The following UPF2 variants were observed in gnomAD, a reference collection of about 807,000 sequenced individuals.
The protein encoded by UPF2 is regulator of nonsense transcripts 2.
A neutral mutation model predicts 141.4 loss-of-function variants in UPF2; 17 were observed. The ratio of observed to expected loss-of-function variants is 0.12; its 90% CI spans 0.08 to 0.18. UPF2 has a LOEUF of 0.18. Ranked by LOEUF, UPF2 falls within the 10% of genes least tolerant of loss-of-function variation. The pLI is 1.00. For synonymous variants in UPF2, 540 were observed against 498.0 expected (o/e 1.08, Z -1.12); for missense variants, 1,152 against 1,515.9 (o/e 0.76, Z 3.99).
intron 3 of UPF2, among the ~76,000 whole-genome samples, chr10:12,025,833 C>T (rs1457704267): frequency 2.6e-5 from 4 of 152,160 alleles, no homozygotes; most frequent in African/African-American, 4.8e-5. Context: ...CTCTCTCTGT[C>T]GCCCAGGCTA....
At chr10:12,001,020 A>C (rs1483634342) in intron 6 of UPF2, among the ~76,000 whole-genome samples, 1 of 152,246 alleles carries the variant, frequency 6.6e-6, no homozygotes, top group Non-Finnish European at 1.5e-5. Context: ...TGTAAAGATT[A>C]TGTCATAGAA....
intron 18 of UPF2, among the ~76,000 whole-genome samples, chr10:11,937,362 G>C (rs982896142): frequency 1.3e-5 from 2 of 152,214 alleles, no homozygotes; most frequent in Admixed American, 6.5e-5. Flanking sequence ...TGTTAAGACA[G>C]ATACAGAAAC....
chr10:11,992,600 A>G lies in UPF2; in HGVS notation c.1844+5072T>C, dbSNP rs1446674546. On this transcript the variant is annotated intron_variant, in intron 8 of 21. Coordinates refer to ENST00000357604, the MANE Select transcript of UPF2 (RefSeq NM_015542.4). This position sits in a 1 kb window ranked among gnomAD's most constrained non-coding sequence, Gnocchi z 4.1. ...GCGTGCACACTAAATTAAAAAATAT[A>G]AAAGACCACATAATGAAAGACTTTT... is the stretch of plus-strand genomic sequence containing the variant. Among the ~76,000 whole-genome samples the G allele has an allele frequency of 6.6e-6, 1 of 152,156 alleles. No individual in the cohort carries two copies. The highest frequency in any genetic ancestry group is 1.5e-5 in the Non-Finnish European group (1 of 68,030).
At chr10:11,990,537 G>T (rs922170561) in intron 8 of UPF2, among the ~76,000 whole-genome samples, 1 of 152,022 alleles carries the variant, frequency 6.6e-6, no homozygotes, top group East Asian at 1.9e-4. Context: ...AAAATTAGCC[G>T]GGCGTGGTGG....
At chr10:11,970,141 C>A (rs1345314109) in intron 9 of UPF2, among the ~76,000 whole-genome samples, 2 of 152,222 alleles carry the variant, frequency 1.3e-5, no homozygotes, top group African/African-American at 4.8e-5. Flanking sequence ...AGCCTGTCTG[C>A]CCACTTGGTA....
At chr10:11,943,973 G>A (rs554379955) in intron 16 of UPF2, among the ~76,000 whole-genome samples, 2 of 147,422 alleles carry the variant, frequency 1.4e-5, no homozygotes, top group East Asian at 2.0e-4. Context: ...AGTCACCCCC[G>A]CATGGTTCCT....
intron 3 of UPF2, among the ~76,000 whole-genome samples, chr10:12,027,661 C>T (rs1834444450): frequency 6.6e-6 from 1 of 152,140 alleles, no homozygotes; most frequent in Admixed American, 6.5e-5. Context: ...TTGATAACAC[C>T]TTTGCCGTCT....
intron 18 of UPF2, among the ~76,000 whole-genome samples, chr10:11,942,250 G>A (rs1361965701): frequency 1.3e-5 from 2 of 152,146 alleles, no homozygotes; most frequent in African/African-American, 2.4e-5. Flanking sequence ...GCACATGCCT[G>A]TAATCCCAGC....
intron 14 of UPF2, among the ~76,000 whole-genome samples, chr10:11,952,986 T>C (rs1292708998): frequency 6.6e-6 from 1 of 152,216 alleles, no homozygotes; most frequent in Non-Finnish European, 1.5e-5. Flanking sequence ...TTAAAGTATC[T>C]GAAAATACGG....
rs1387708315 is a variant in UPF2 at position 12,014,943 on chromosome 10, C to T, written c.1146-759G>A. Among the ~76,000 whole-genome samples the T allele has an allele frequency of 5.9e-5, 9 of 152,150 alleles. No individual in the cohort carries two copies. Among genetic ancestry groups the T allele is most frequent in the Admixed American group, 5.9e-4 (9 of 15,270 alleles). On this transcript the variant is annotated intron_variant, in intron 3 of 21. Transcript: ENST00000357604. The surrounding 1 kb of genome is among the most constrained non-coding windows in gnomAD (Gnocchi z 5.0). Reference sequence around the variant, plus strand: ...CTTATCAAGGAACTAAGGACATAACCACTCTTCCACTTTGCAAGAATACAC... The same window carrying T: ...CTTATCAAGGAACTAAGGACATAACTACTCTTCCACTTTGCAAGAATACAC...
At chr10:11,938,866 T>TTTTTTTTTTTTTTTTTTTTTTTTTG (rs1832895630) in intron 18 of UPF2, among the ~76,000 whole-genome samples, 5 of 88,672 alleles carry the variant, frequency 5.6e-5, no homozygotes, top group African/African-American at 1.1e-4. Flanking sequence ...TTTTTTTTTT[T>TTTTTTTTTTTTTTTTTTTTTTTTTG]TTTTTTTTTT....
chr10:11,977,844 C>A (rs1833531271), intron 9 of UPF2, among the ~76,000 whole-genome samples: 1 of 152,184 alleles, frequency 6.6e-6, no homozygotes, highest in South Asian at 2.1e-4. Flanking sequence ...AACAAAACCA[C>A]TTAACTTTAT....
intron 21 of UPF2, among the ~76,000 whole-genome samples, chr10:11,929,393 T>A (rs2131150195): frequency 6.6e-6 from 1 of 152,322 alleles, no homozygotes; most frequent in East Asian, 1.9e-4. Context: ...AATGTCTTTG[T>A]AAGAACAGCC....
chr10:11,948,259 A>C (rs1001469601), intron 16 of UPF2, 110 bp downstream of exon 16: 4 of 1,140,810 alleles, frequency 3.5e-6, no homozygotes, highest in African/African-American at 3.2e-5. Flanking sequence ...AAAAAAAAAA[A>C]AAAAAAAAAA....
chr10:11,966,245 T>A (rs895748186), intron 10 of UPF2, among the ~76,000 whole-genome samples: 1 of 152,234 alleles, frequency 6.6e-6, no homozygotes, highest in Non-Finnish European at 1.5e-5. Flanking sequence ...GTCTGCCTGT[T>A]GTTTCAGCTA....
Position 12,001,796 on chromosome 10 carries a change from C to T in UPF2, c.1534G>A (p.Val512Ile). Residue 512 changes from valine to isoleucine, a missense_variant, in exon 6 of 22, where the codon GTA (valine) becomes ATA (isoleucine). By Grantham distance (29) the Val-to-Ile change is conservative. Transcript: ENST00000357604. The stretch of plus-strand genomic sequence containing the variant: ...AGTTCCAAATCATCGGGACTTGATA[C>T]CTCCTTATTCTCCTTAGATTCTTTT... ...EAKESKENKE[V>I]SSPDDLELEL... is the part of the protein sequence containing the mutation. 6.2e-7 allele frequency: 1 copy of T among 1,607,536 alleles called. No individual in the cohort carries two copies. The highest frequency in any genetic ancestry group is 1.1e-5 in the South Asian group (1 of 89,388).
rs60922532 is a variant in UPF2 at position 11,994,975 on chromosome 10, C to CAAAAAAAAAAAAAAAAA, written c.1844+2680_1844+2696dup. ...TGGGCAACAGAGTGAGACTCCATCT[C>CAAAAAAAAAAAAAAAAA]AAAAAAAAAAAAAAAAAAAAAAAAA... On this transcript the variant is annotated intron_variant, in intron 8 of 21. Transcript: ENST00000357604. Among the ~76,000 whole-genome samples, 14 of 51,360 alleles carry CAAAAAAAAAAAAAAAAA rather than the reference C, an allele frequency of 2.7e-4. 1 individual carries two copies. The highest frequency in any genetic ancestry group is 3.6e-4 in the Non-Finnish European group (12 of 33,506). 33.7% of individuals were successfully genotyped at this position (51,360 alleles called of 152,430 possible).
At chr10:12,010,717 C>G (rs1834112263) in intron 4 of UPF2, among the ~76,000 whole-genome samples, 1 of 151,752 alleles carries the variant, frequency 6.6e-6, no homozygotes, top group Non-Finnish European at 1.5e-5. Context: ...AACTATACAC[C>G]CACAGATCTA....
intron 15 of UPF2, among the ~76,000 whole-genome samples, chr10:11,950,407 C>T (rs75778426): frequency 0.016 from 2,394 of 152,242 alleles, 92 homozygotes; most frequent in East Asian, 0.15. Context: ...CTTCCTCAAC[C>T]AGGAAGCAAA....
Sources: allele counts gnomAD v4.1 joint callset (sites outside exome capture counted in the v4.1 genomes callset), GRCh38; gene constraint gnomAD v4.1.1; non-coding constraint Gnocchi (gnomAD v3.1); transcripts MANE v1.5; gene names NCBI Gene and HGNC (gene_info 2026-07-23, HGNC 2026-07-21).